The following HPSE2 variants were observed in gnomAD, a reference collection of about 807,000 sequenced individuals.
The protein encoded by HPSE2 is heparanase 2 (inactive).
A neutral mutation model predicts 60.5 loss-of-function variants in HPSE2; 38 were observed. The observed-to-expected ratio is 0.63, with a 90% CI of 0.48 to 0.82. The LOEUF is 0.82. Ranked by LOEUF, HPSE2 falls within the 40% of genes least tolerant of loss-of-function variation. The pLI, the probability that HPSE2 is intolerant of heterozygous loss-of-function variation, is 0.00. For missense variants in HPSE2, 713 were observed against 740.4 expected (o/e 0.96, Z 0.43); for synonymous variants, 295 against 293.2 (o/e 1.01, Z -0.06).
chr10:98,949,601 G>C (rs1490564671), intron 3 of HPSE2, among the ~76,000 whole-genome samples: 2 of 152,062 alleles, frequency 1.3e-5, no homozygotes, highest in African/African-American at 2.4e-5. Flanking sequence ...AGCCTCAATT[G>C]CACCCCTTTC....
chr10:98,989,313 G>A (rs912227841), intron 3 of HPSE2, among the ~76,000 whole-genome samples: 18 of 152,260 alleles, frequency 1.2e-4, no homozygotes, highest in African/African-American at 4.3e-4. Context: ...ATACTAGGCA[G>A]CCATAAAAAA....
chr10:99,152,738 G>C (rs969189852), intron 2 of HPSE2, among the ~76,000 whole-genome samples: 10 of 152,078 alleles, frequency 6.6e-5, no homozygotes, highest in Non-Finnish European at 1.0e-4. Flanking sequence ...CTGAAAATGA[G>C]GGGGAGGAGC....
intron 3 of HPSE2, among the ~76,000 whole-genome samples, chr10:99,101,118 G>A (rs1389573275): frequency 4.6e-5 from 7 of 152,238 alleles, no homozygotes; most frequent in Non-Finnish European, 5.9e-5. Context: ...ATAATGACAG[G>A]ATAAAATTCA....
At chr10:98,817,265 G>A (rs925104881) in intron 3 of HPSE2, among the ~76,000 whole-genome samples, 4 of 152,060 alleles carry the variant, frequency 2.6e-5, no homozygotes, top group Admixed American at 2.0e-4. Flanking sequence ...TGCAGTGATT[G>A]TCCCCTTTCT....
At chr10:98,564,182 T>C (rs1184992498) in intron 9 of HPSE2, among the ~76,000 whole-genome samples, 1 of 152,188 alleles carries the variant, frequency 6.6e-6, no homozygotes, top group Non-Finnish European at 1.5e-5. Context: ...TCTCTGCCTT[T>C]GCTTAAATGA....
intron 3 of HPSE2, among the ~76,000 whole-genome samples, chr10:98,956,485 G>A (rs535864290): frequency 6.6e-6 from 1 of 152,162 alleles, no homozygotes; most frequent in Admixed American, 6.6e-5. Context: ...TAGATAGCTC[G>A]GGGCTATTGT....
intron 9 of HPSE2, among the ~76,000 whole-genome samples, chr10:98,539,477 C>T (rs1306105064): frequency 2.0e-5 from 3 of 152,090 alleles, no homozygotes; most frequent in Admixed American, 1.3e-4. Context: ...GCCCAGATCA[C>T]GCCATTGCAC....
upstream of HPSE2, among the ~76,000 whole-genome samples, chr10:99,237,722 C>A (rs973448726): frequency 1.1e-4 from 16 of 152,138 alleles, no homozygotes; most frequent in Non-Finnish European, 4.4e-5. Context: ...CATCTAGATC[C>A]TTTAAACTGT....
chr10:98,597,517 G>A (rs1157806679), intron 9 of HPSE2, among the ~76,000 whole-genome samples: 1,762 of 137,762 alleles, frequency 0.013, 17 homozygotes, highest in Non-Finnish European at 0.019. Context: ...AAAAAAAAAA[G>A]AAAAATAGCC....
intron 3 of HPSE2, among the ~76,000 whole-genome samples, chr10:98,888,138 AC>A (rs1190303425): frequency 1.2e-4 from 3 of 25,712 alleles, no homozygotes; most frequent in Non-Finnish European, 3.8e-4. Context: ...TAAAACAAAC[AC>A]ACACACACAC....
intron 3 of HPSE2, among the ~76,000 whole-genome samples, chr10:98,977,784 T>G (rs1049187595): frequency 1.3e-5 from 2 of 151,908 alleles, no homozygotes; most frequent in African/African-American, 4.8e-5. Flanking sequence ...AACAGGTTTT[T>G]TATAATAATA....
intron 3 of HPSE2, among the ~76,000 whole-genome samples, chr10:99,092,874 A>G (rs182216339): frequency 1.1e-3 from 161 of 152,330 alleles, no homozygotes; most frequent in Admixed American, 3.1e-3. Context: ...CGAGAATCTA[A>G]AATTATATAA....
chr10:98,714,398 A>G (rs1243767149), intron 5 of HPSE2, among the ~76,000 whole-genome samples: 1 of 151,896 alleles, frequency 6.6e-6, no homozygotes, highest in African/African-American at 2.4e-5. Context: ...CTAAGCAACT[A>G]CTAAACTATG....
At chr10:98,596,719 C>T (rs1005151687) in intron 9 of HPSE2, among the ~76,000 whole-genome samples, 1 of 152,136 alleles carries the variant, frequency 6.6e-6, no homozygotes, top group African/African-American at 2.4e-5. Flanking sequence ...AAGTCTGCTG[C>T]TATCCTTATT....
At chr10:98,519,865 A>G (rs1942729745) in intron 9 of HPSE2, among the ~76,000 whole-genome samples, 1 of 152,200 alleles carries the variant, frequency 6.6e-6, no homozygotes, top group Non-Finnish European at 1.5e-5. Context: ...GGAACATTGC[A>G]TTGTCCACAA....
chr10:99,288,321 G>T, the HPSE2 span, among the ~76,000 whole-genome samples: 1 of 152,122 alleles, frequency 6.6e-6, no homozygotes, highest in African/African-American at 2.4e-5. Flanking sequence ...TTACACATAA[G>T]TTCCATGTGT....
At chr10:98,472,511 T>TA (rs1328542151) in intron 11 of HPSE2, among the ~76,000 whole-genome samples, 1 of 152,200 alleles carries the variant, frequency 6.6e-6, no homozygotes, top group Admixed American at 6.5e-5. Context: ...TCTTGCTTTG[T>TA]AAAAAATTAT....
At chr10:98,477,531 T>C (rs912719798) in intron 11 of HPSE2, among the ~76,000 whole-genome samples, 1 of 152,230 alleles carries the variant, frequency 6.6e-6, no homozygotes, top group Non-Finnish European at 1.5e-5. Context: ...TCTTTCCTAA[T>C]TTTTGGAGTA....
intron 7 of HPSE2, among the ~76,000 whole-genome samples, chr10:98,626,683 TAAATG>T (rs1390720080): frequency 1.3e-5 from 2 of 152,188 alleles, no homozygotes; most frequent in Non-Finnish European, 2.9e-5. Context: ...AAAATGATGT[TAAATG>T]AAATGAAATT....
Sources: gnomAD v4.1 joint callset for allele counts (sites outside exome capture counted in the v4.1 genomes callset) on GRCh38, gnomAD v4.1.1 for gene constraint, MANE v1.5 for transcripts, NCBI Gene and HGNC (gene_info 2026-07-23, HGNC 2026-07-21) for gene names.